IFT74: variants seen among roughly 807,000 people sequenced by gnomAD.
The protein encoded by IFT74 is intraflagellar transport protein 74 homolog.
A neutral mutation model predicts 96.7 loss-of-function variants in IFT74; 92 were observed. The observed-to-expected ratio is 0.95, with a 90% confidence interval of 0.80 to 1.13. IFT74 has a LOEUF of 1.13. Ranked by LOEUF, IFT74 falls within the 50% of genes most tolerant of loss-of-function variation. The pLI is 0.00. For missense variants in IFT74, 811 were observed against 698.2 expected, an observed-to-expected ratio of 1.16 and a Z score of -1.82; for synonymous variants, 223 against 213.2, an observed-to-expected ratio of 1.05 and a Z score of -0.40.
At chr9:26,988,007 C>T (rs911042999) in intron 6 of IFT74, among the ~76,000 whole-genome samples, 1 of 152,000 alleles carries the variant, frequency 6.6e-6, no homozygotes, top group East Asian at 1.9e-4. Context: ...GGCTGGAGTG[C>T]AGTGGTGCCA....
intron 8 of IFT74, among the ~76,000 whole-genome samples, chr9:27,003,690 CTA>C (rs1273571925): frequency 1.3e-5 from 2 of 152,194 alleles, no homozygotes; most frequent in Non-Finnish European, 2.9e-5. Flanking sequence ...CATTCCCCTT[CTA>C]CCTTTTCTCT....
At chr9:26,999,626 C>T in intron 8 of IFT74, 1 of 1,600,778 alleles carries the variant, frequency 6.2e-7, no homozygotes, top group South Asian at 1.1e-5. Flanking sequence ...TTTTAGAAGA[C>T]TGGATTTTGT....
chr9:27,017,397 T>G (rs1271889366), intron 11 of IFT74, among the ~76,000 whole-genome samples: 1 of 152,010 alleles, frequency 6.6e-6, no homozygotes, highest in African/African-American at 2.4e-5. Context: ...TTTATTTTTA[T>G]TTTTTGTAGA....
intron 4 of IFT74, among the ~76,000 whole-genome samples, chr9:26,982,021 A>C (rs1369219371): frequency 6.6e-6 from 1 of 151,446 alleles, no homozygotes; most frequent in Non-Finnish European, 1.5e-5. Context: ...CACCTGCCTC[A>C]GCCTCCCAAA....
At chr9:27,034,804 A>C (rs1366159877) in intron 13 of IFT74, among the ~76,000 whole-genome samples, 1 of 152,240 alleles carries the variant, frequency 6.6e-6, no homozygotes, top group Non-Finnish European at 1.5e-5. Context: ...TGTTGGGATT[A>C]CAGGCGTGAG....
At chr9:26,949,561 T>G (rs577399079) in intron 1 of IFT74, among the ~76,000 whole-genome samples, 5 of 152,264 alleles carry the variant, frequency 3.3e-5, no homozygotes, top group African/African-American at 1.2e-4. Flanking sequence ...ATGTGTAATT[T>G]CACATTTCCC....
chr9:27,027,865 T>G (rs1829941161), intron 12 of IFT74, among the ~76,000 whole-genome samples: 1 of 152,202 alleles, frequency 6.6e-6, no homozygotes, highest in Admixed American at 6.5e-5. Flanking sequence ...TTTAGTGTCA[T>G]ATCTAAGAAA....
At chr9:27,007,322 T>C (rs982310208) in intron 8 of IFT74, among the ~76,000 whole-genome samples, 4 of 152,224 alleles carry the variant, frequency 2.6e-5, no homozygotes, top group East Asian at 1.9e-4. Flanking sequence ...TTAGTTCTCA[T>C]CTTCCTACAT....
rs112947512 is a variant in IFT74, at chr9:27,011,198, G to A, written c.727-708G>A. 4.5e-3 allele frequency among the ~76,000 whole-genome samples: 691 copies of A among 152,266 alleles called. 5 individuals are homozygous for A. Among genetic ancestry groups the A allele is most frequent in the African/African-American group, 0.016 (646 of 41,544 alleles). ...TCCCGGGAGGCGGAGGTTGCAGTGA[G>A]CCGAGATCATGCCACTGCACTCCAG... On this transcript the variant is annotated intron_variant, in intron 9 of 19. Transcript: ENST00000380062.
intron 8 of IFT74, chr9:26,995,118 A>G (rs554565967): frequency 6.5e-6 from 1 of 153,784 alleles, no homozygotes; most frequent in South Asian, 2.0e-4. Context: ...TTTGACTTCC[A>G]TATATTAATA....
intron 1 of IFT74, among the ~76,000 whole-genome samples, chr9:26,957,420 AGTC>A (rs1826162222): frequency 1.3e-5 from 2 of 152,224 alleles, no homozygotes; most frequent in African/African-American, 4.8e-5. Context: ...CTTTTCAAAG[AGTC>A]ATTTCATGAA....
intron 14 of IFT74, 44 bp from the exon 15 acceptor site, chr9:27,047,230 T>A: frequency 8.6e-7 from 1 of 1,163,216 alleles, no homozygotes; most frequent in Non-Finnish European, 1.3e-6. Context: ...TATATAGTGT[T>A]AACTCTATCA....
chr9:26,976,064 G>A (rs538121170), intron 2 of IFT74, among the ~76,000 whole-genome samples: 12 of 152,314 alleles, frequency 7.9e-5, no homozygotes, highest in Admixed American at 2.0e-4. Context: ...ACCTTGGTCT[G>A]TGCACAGAGT....
intron 15 of IFT74, among the ~76,000 whole-genome samples, 190 bp downstream of exon 15, chr9:27,047,561 T>G (rs1819747186): frequency 6.6e-6 from 1 of 152,186 alleles, no homozygotes; most frequent in Admixed American, 6.5e-5. Context: ...GTCAGGTAAT[T>G]AGGGCAATAG....
At position 27,062,704 on chromosome 9, in the gene IFT74, G is replaced by A. The variant is rs762276916; in HGVS notation, c.1771G>A (p.Val591Met). 8 of 1,602,628 alleles carry A rather than the reference G, an allele frequency of 5.0e-6. No individual in the cohort carries two copies. The highest frequency in any genetic ancestry group is 1.3e-5 in the African/African-American group (1 of 74,268). The change falls in exon 20 of 20, where the codon GTG (valine) becomes ATG (methionine). Residue 591 changes from valine (V) to methionine (M), a missense_variant. Physicochemically the swap from Val to Met is conservative, Grantham distance 21. Coordinates refer to ENST00000380062, the MANE Select transcript of IFT74 (RefSeq NM_025103.4). ...KQIAEYNKTI[V>M]DALHSTSGN ...GATTGCAGAGTACAATAAAACCATC[G>A]TGGATGCTTTACATAGCACCAGCGG...
At position 27,063,796 on chromosome 9, in the gene IFT74, T is replaced by A. The variant is rs1480847997; in HGVS notation, c.*1060T>A. On this transcript the variant is annotated 3_prime_UTR_variant, in exon 20 of 20. Transcript: ENST00000380062. ...AAAAATAAATATTTATAATGGTAAA[T>A]TATTCAAATTCAGTCTATATACATT... 1.3e-5 allele frequency among the ~76,000 whole-genome samples: 2 copies of A among 152,106 alleles called. No homozygotes were observed. The highest frequency in any genetic ancestry group is 2.4e-5 in the African/African-American group (1 of 41,450).
chr9:26,966,615 A>G (rs1045235262), intron 2 of IFT74, among the ~76,000 whole-genome samples: 17 of 151,998 alleles, frequency 1.1e-4, no homozygotes, highest in African/African-American at 3.4e-4. Context: ...ATTTTCTCCT[A>G]TTATGTTGGT....
chr9:26,996,736 A>T (rs1322511739), intron 8 of IFT74, among the ~76,000 whole-genome samples: 1 of 152,134 alleles, frequency 6.6e-6, no homozygotes, highest in Non-Finnish European at 1.5e-5. Flanking sequence ...ATTAGTGTAG[A>T]TTTTATTATT....
chr9:26,999,589 T>C (rs1362739003), intron 8 of IFT74: 1 of 1,482,592 alleles, frequency 6.7e-7, no homozygotes, highest in South Asian at 1.2e-5. Flanking sequence ...AAAATATTTT[T>C]ACTATTTTGA....
Sources: allele counts gnomAD v4.1 joint callset (sites outside exome capture counted in the v4.1 genomes callset), GRCh38; gene constraint gnomAD v4.1.1; transcripts MANE v1.5; gene names NCBI Gene and HGNC (gene_info 2026-07-23, HGNC 2026-07-21).